Variants in SCAPER observed in about 807,000 individuals in gnomAD.
The protein encoded by SCAPER is S-phase cyclin A associated protein in the ER, also known as S phase cyclin A-associated protein in the endoplasmic reticulum.
In SCAPER, 98 loss-of-function variants were observed where a neutral mutation model predicts 182.2. The ratio of observed to expected loss-of-function variants is 0.54; its 90% confidence interval spans 0.46 to 0.64. The LOEUF (loss-of-function observed/expected upper bound fraction) is 0.64, where lower values mean the gene tolerates loss of function less well. SCAPER is among the 30% of genes least tolerant of loss of function. The pLI is 0.00. For synonymous variants in SCAPER, 605 were observed against 564.6 expected (o/e 1.07, Z -1.01); for missense variants, 1,432 against 1,690.0 (o/e 0.85, Z 2.68).
At chr15:76,706,521 T>C (rs1411460589) in intron 17 of SCAPER, among the ~76,000 whole-genome samples, 1 of 151,796 alleles carries the variant, frequency 6.6e-6, no homozygotes, top group East Asian at 1.9e-4. Flanking sequence ...GAGATAAAGG[T>C]TGAGGATAAA....
chr15:76,609,602 C>T (rs899484427), intron 22 of SCAPER, among the ~76,000 whole-genome samples: 1 of 152,304 alleles, frequency 6.6e-6, no homozygotes, highest in Middle Eastern at 3.4e-3. Context: ...ATTTAAATTT[C>T]TGATCTGGTA....
chr15:76,815,104 G>T (rs1044088489), intron 5 of SCAPER, among the ~76,000 whole-genome samples: 7 of 151,978 alleles, frequency 4.6e-5, no homozygotes, highest in African/African-American at 1.7e-4. Flanking sequence ...AAAAAGATAA[G>T]AGATAATAAC....
At chr15:76,683,049 C>G (rs934993482) in intron 20 of SCAPER, among the ~76,000 whole-genome samples, 7 of 152,120 alleles carry the variant, frequency 4.6e-5, no homozygotes, top group African/African-American at 1.7e-4. Context: ...GGTTCTTAAC[C>G]AGGCTGAAAT....
At chr15:76,450,488 A>G (rs1452846641) in intron 25 of SCAPER, among the ~76,000 whole-genome samples, 1 of 152,284 alleles carries the variant, frequency 6.6e-6, no homozygotes, top group East Asian at 1.9e-4. Context: ...GAAGTATAAG[A>G]TGAAGTATAT....
chr15:76,517,444 G>A (rs915954848), intron 23 of SCAPER, among the ~76,000 whole-genome samples: 2 of 151,318 alleles, frequency 1.3e-5, no homozygotes, highest in Non-Finnish European at 2.9e-5. Context: ...CTGCCTCCCG[G>A]GTTCAAGCCA....
At chr15:76,704,116 A>T (rs1337472351) in intron 18 of SCAPER, among the ~76,000 whole-genome samples, 1 of 152,224 alleles carries the variant, frequency 6.6e-6, no homozygotes, top group Non-Finnish European at 1.5e-5. Context: ...AGTGAAGCAA[A>T]TTATAAGAAA....
intron 25 of SCAPER, among the ~76,000 whole-genome samples, chr15:76,435,056 G>A (rs1450005013): frequency 6.6e-6 from 1 of 152,152 alleles, no homozygotes; most frequent in African/African-American, 2.4e-5. Context: ...CTGTTTATCT[G>A]TATCAGTTCT....
intron 9 of SCAPER, among the ~76,000 whole-genome samples, chr15:76,772,525 A>C (rs1207109893): frequency 6.6e-6 from 1 of 151,988 alleles, no homozygotes; most frequent in East Asian, 1.9e-4. Flanking sequence ...ACATGAACCC[A>C]ATTCTCCGAT....
At chr15:76,373,110 C>T (rs1004106603) in intron 29 of SCAPER, among the ~76,000 whole-genome samples, 2 of 150,250 alleles carry the variant, frequency 1.3e-5, no homozygotes, top group Non-Finnish European at 3.0e-5. Flanking sequence ...TACAGTGGCA[C>T]GATCTTGGCT....
At chr15:76,712,306 G>T (rs373908220) in intron 17 of SCAPER, among the ~76,000 whole-genome samples, 4 of 152,028 alleles carry the variant, frequency 2.6e-5, no homozygotes, top group African/African-American at 7.2e-5. Flanking sequence ...TATCTCTGTT[G>T]TGGTACCAGT....
intron 21 of SCAPER, among the ~76,000 whole-genome samples, chr15:76,652,823 G>A (rs927600430): frequency 4.6e-5 from 7 of 151,928 alleles, no homozygotes; most frequent in Non-Finnish European, 8.8e-5. Context: ...AACAAGACAA[G>A]GACTCCCACT....
intron 16 of SCAPER, among the ~76,000 whole-genome samples, chr15:76,730,696 A>G (rs1430541797): frequency 1.3e-5 from 2 of 152,156 alleles, no homozygotes; most frequent in Admixed American, 1.3e-4. Context: ...TTAAATATAA[A>G]TAATTAAAGC....
Position 76,362,032 on chromosome 15 carries a change from G to T in SCAPER, c.3856-7892C>A, listed in dbSNP as rs556919147. Among the ~76,000 whole-genome samples, 14 of 151,566 alleles carry T rather than the reference G, an allele frequency of 9.2e-5. 1 individual carries two copies. The East Asian group carries it at 2.5e-3, about 27-fold the overall frequency. On this transcript the variant is annotated intron_variant, in intron 29 of 31. Transcript: ENST00000563290. ...GTTTTTGCCCAGGCTGGAGTGCAAT[G>T]TGCAATCTCTGCTCACTGCAACATC...
chr15:76,898,021 G>A (rs148022032), intron 1 of SCAPER, among the ~76,000 whole-genome samples: 72 of 152,240 alleles, frequency 4.7e-4, no homozygotes, highest in African/African-American at 1.6e-3. Context: ...TGAATAAAAA[G>A]CCAACAGAGA....
chr15:76,786,348 A>C (rs1166336045), intron 8 of SCAPER, among the ~76,000 whole-genome samples: 1 of 131,990 alleles, frequency 7.6e-6, no homozygotes, highest in Non-Finnish European at 1.7e-5. Context: ...AAAAAAAATC[A>C]ATCAATGTAA....
At chr15:76,796,760 C>G (rs2065358694) in intron 7 of SCAPER, among the ~76,000 whole-genome samples, 1 of 152,176 alleles carries the variant, frequency 6.6e-6, no homozygotes, top group African/African-American at 2.4e-5. Context: ...GGCAAGTTTC[C>G]TTAAAATGGT....
chr15:76,667,654 A>G (rs1416497459), intron 20 of SCAPER, among the ~76,000 whole-genome samples: 1 of 116,442 alleles, frequency 8.6e-6, no homozygotes, highest in South Asian at 3.3e-4. Context: ...AAAAAAAAAA[A>G]AAAAAAAACG....
Position 76,886,917 on chromosome 15 carries a change from G to A in SCAPER, c.-59-3041C>T, listed in dbSNP as rs1467594923. ...ATGCAGGAACAGAAAACCAAACACC[G>A]CATGTTCTCACTTATATGTGAGAGC... On this transcript the variant is annotated intron_variant, in intron 1 of 31. Coordinates refer to ENST00000563290, the MANE Select transcript of SCAPER (RefSeq NM_020843.4). 4.6e-5 allele frequency among the ~76,000 whole-genome samples: 7 copies of A among 152,220 alleles called. No individual in the cohort carries two copies. The East Asian group carries it at 5.8e-4, about 13-fold the overall frequency.
intron 22 of SCAPER, among the ~76,000 whole-genome samples, chr15:76,608,940 G>C (rs1284013593): frequency 1.3e-5 from 2 of 152,152 alleles, no homozygotes; most frequent in African/African-American, 4.8e-5. Context: ...TCTTTGACTA[G>C]GAAAGGGAAT....
Sources: gnomAD v4.1 joint callset for allele counts (sites outside exome capture counted in the v4.1 genomes callset) on GRCh38, gnomAD v4.1.1 for gene constraint, MANE v1.5 for transcripts, NCBI Gene and HGNC (gene_info 2026-07-23, HGNC 2026-07-21) for gene names.